Variants in CYP2C8 observed in about 807,000 individuals in gnomAD.
CYP2C8 encodes cytochrome P450 family 2 subfamily C member 8.
CYP2C8 carries 51 observed loss-of-function variants against 41.3 expected under a neutral mutation model. The ratio of observed to expected loss-of-function variants is 1.24; its 90% CI spans 0.99 to 1.56. The LOEUF (loss-of-function observed/expected upper bound fraction) is 1.56, where lower values mean the gene tolerates loss of function less well. Ranked by LOEUF, CYP2C8 falls within the 40% of genes most tolerant of loss-of-function variation. The probability of loss-of-function intolerance (pLI) is 0.00; values close to 1 mark genes in which losing one functional copy is unlikely to be tolerated. For missense variants in CYP2C8, 651 were observed against 579.9 expected (o/e 1.12, Z -1.26); for synonymous variants, 218 against 205.8 (o/e 1.06, Z -0.51).
At chr10:95,040,328 A>T (rs1246619808) in intron 7 of CYP2C8, among the ~76,000 whole-genome samples, 1 of 152,100 alleles carries the variant, frequency 6.6e-6, no homozygotes, top group Non-Finnish European at 1.5e-5. Flanking sequence ...TAATCCTTGT[A>T]AAAAAATCAG....
intron 1 of CYP2C8, chr10:95,068,777 G>C: frequency 2.0e-6 from 1 of 508,756 alleles, no homozygotes; most frequent in Non-Finnish European, 3.4e-6. Flanking sequence ...AAAGACAAAA[G>C]AGGCCAGGTA....
In CYP2C8 at chr10:95,063,875, C is replaced by T. The variant is rs187219605; in HGVS notation, c.642+925G>A. ...TTCTAACAGTCAGGATCCTCAGCCGCGAGTCTGCTGGAGGTCCACTCCAGA... is the reference window on the plus strand; with the variant it reads ...TTCTAACAGTCAGGATCCTCAGCCGTGAGTCTGCTGGAGGTCCACTCCAGA... On this transcript the variant is annotated intron_variant, in intron 4 of 8. Coordinates refer to ENST00000371270, the MANE Select transcript of CYP2C8 (RefSeq NM_000770.3). 3.7e-3 allele frequency among the ~76,000 whole-genome samples: 569 copies of T among 152,262 alleles called. 4 individuals are homozygous for T. The highest frequency in any genetic ancestry group is 0.022 in the South Asian group (104 of 4,818).
intron 7 of CYP2C8, 109 bp downstream of exon 7, chr10:95,042,781 G>A (rs2033028380): frequency 5.5e-6 from 5 of 911,964 alleles, no homozygotes. Context: ...GCTGCCACAT[G>A]TATGAGTTTT....
intron 3 of CYP2C8, 87 bp downstream of exon 3, chr10:95,067,121 C>G: frequency 1.3e-6 from 2 of 1,589,858 alleles, no homozygotes; most frequent in Non-Finnish European, 1.7e-6. Flanking sequence ...GCAATGAAGA[C>G]CTGGCCACCC....
intron 5 of CYP2C8, among the ~76,000 whole-genome samples, chr10:95,054,883 A>G (rs1368400895): frequency 2.6e-5 from 4 of 152,076 alleles, no homozygotes; most frequent in Middle Eastern, 3.2e-3. Context: ...AATGTTGCTT[A>G]GAAAAATAAG....
At chr10:95,041,941 T>C (rs2033010783) in intron 7 of CYP2C8, among the ~76,000 whole-genome samples, 2 of 152,192 alleles carry the variant, frequency 1.3e-5, no homozygotes. Flanking sequence ...GGGCTGGGAT[T>C]TTATGAAAAT....
At chr10:95,066,093 G>A (rs1403855917) in intron 3 of CYP2C8, among the ~76,000 whole-genome samples, 2 of 149,356 alleles carry the variant, frequency 1.3e-5, no homozygotes, top group Admixed American at 1.3e-4. Flanking sequence ...AGCCAAGGGG[G>A]TGAAAGGTAA....
chr10:95,043,641 A>G (rs960299391), intron 6 of CYP2C8, among the ~76,000 whole-genome samples: 3 of 152,114 alleles, frequency 2.0e-5, no homozygotes, highest in Non-Finnish European at 4.4e-5. Flanking sequence ...CAATTTTTAG[A>G]CAATATTTAA....
rs1589445576 is a variant in CYP2C8, at chr10:95,060,861, T to G, written c.643-2350A>C. 2.0e-5 allele frequency among the ~76,000 whole-genome samples: 3 copies of G among 152,246 alleles called. No homozygotes were observed. The South Asian group carries it at 6.2e-4, about 31-fold the overall frequency. On this transcript the variant is annotated intron_variant, in intron 4 of 8. Transcript: ENST00000371270. Reference sequence around the variant, plus strand: ...GAGTGTTTTTAGACTGAAGTGCTGTTGAATTTTTTAAAAGGCCTTTTCTGC... The same window carrying G: ...GAGTGTTTTTAGACTGAAGTGCTGTGGAATTTTTTAAAAGGCCTTTTCTGC...
chr10:95,039,412 T>C (rs532667840), intron 7 of CYP2C8: 65 of 272,880 alleles, frequency 2.4e-4, no homozygotes, highest in African/African-American at 1.3e-3. Flanking sequence ...ACTTGAAATG[T>C]CCAGAGTATC....
At position 95,069,442 on chromosome 10, in the gene CYP2C8, A is replaced by C; in HGVS notation, c.-40T>G. The C allele has an allele frequency of 6.4e-7, 1 of 1,574,342 alleles. No individual in the cohort carries two copies. Among genetic ancestry groups the C allele is most frequent in the Non-Finnish European group, 8.7e-7 (1 of 1,145,348 alleles). On this transcript the variant is annotated 5_prime_UTR_variant, in exon 1 of 9. Transcript: ENST00000371270. ...CTTATTAAGACAGCTGTGAGCTTGC[A>C]CTCCAAAGTTTTTATAACACTCCCT... is the stretch of plus-strand genomic sequence containing the variant.
intron 2 of CYP2C8, 40 bp downstream of exon 2, chr10:95,067,489 C>T (rs376162394): frequency 6.2e-6 from 10 of 1,613,670 alleles, no homozygotes; most frequent in Non-Finnish European, 8.5e-6. Flanking sequence ...ATCCCCCTCA[C>T]CCCAGTTACC....
In CYP2C8 at chr10:95,038,879, GA is replaced by G. The variant is rs1319915034; in HGVS notation, c.1291+17del. On this transcript the variant is annotated intron_variant, in intron 8 of 8. Transcript: ENST00000371270. ...TCTCTCTTTCCTTTAAATACAAATG[GA>G]AACGAGTTTCTATTACCTGCTGAGA... is the stretch of plus-strand genomic sequence containing the variant. 6.2e-7 allele frequency: 1 copy of G among 1,612,996 alleles called. No individual in the cohort carries two copies. Among genetic ancestry groups the G allele is most frequent in the Admixed American group, 1.7e-5 (1 of 59,976 alleles).
At position 95,039,976 on chromosome 10, in the gene CYP2C8, AG is replaced by A. The variant is rs2032962498; in HGVS notation, c.1150-939del. On this transcript the variant is annotated intron_variant, in intron 7 of 8. Coordinates refer to ENST00000371270, the MANE Select transcript of CYP2C8 (RefSeq NM_000770.3). ...TTTTAAATGACTGCTGGTCTCAAAA[AG>A]GTCAACTGATTGAAAAGAAACAAAC... is the stretch of plus-strand genomic sequence containing the variant. Among the ~76,000 whole-genome samples the A allele has an allele frequency of 2.0e-5, 3 of 152,342 alleles. No individual in the cohort carries two copies. In the South Asian group the frequency reaches 6.2e-4, roughly 32 times the overall value.
At chr10:95,052,801 AGTAAAAG>A (rs1222717351) in intron 5 of CYP2C8, among the ~76,000 whole-genome samples, 1 of 152,172 alleles carries the variant, frequency 6.6e-6, no homozygotes. Context: ...ACCTCACCAT[AGTAAAAG>A]CTATCTACAA....
chr10:95,042,841 A>C (rs2275620), intron 7 of CYP2C8, 49 bp downstream of exon 7: 1 of 1,528,096 alleles, frequency 6.5e-7, no homozygotes, highest in Non-Finnish European at 9.1e-7. Flanking sequence ...AACCAGCACT[A>C]TGGAAATTTC....
Position 95,037,265 on chromosome 10 carries a change from A to G in CYP2C8, c.1336T>C (p.Phe446Leu). Residue 446 changes from phenylalanine to leucine, a missense_variant, in exon 9 of 9, where the codon TTT becomes CTT. Transcript: ENST00000371270. ...TGTAAAATTGTGGTTAGAAATAAAA[A>G]TAGCTCCATGCGGGCAAGTCCTTCT... ...AGEGLARMEL[F>L]LFLTTILQNF... is the part of the protein sequence containing the mutation. 2 of 1,613,856 alleles carry G rather than the reference A, an allele frequency of 1.2e-6. No homozygotes were observed. Among genetic ancestry groups the G allele is most frequent in the Non-Finnish European group, 1.7e-6 (2 of 1,179,856 alleles).
intron 4 of CYP2C8, among the ~76,000 whole-genome samples, chr10:95,060,261 T>C (rs577291199): frequency 6.6e-6 from 1 of 152,248 alleles, no homozygotes; most frequent in South Asian, 2.1e-4. Context: ...GATATTGATT[T>C]TTCCTACCCA....
intron 5 of CYP2C8, among the ~76,000 whole-genome samples, chr10:95,054,535 C>T (rs1190378380): frequency 6.6e-6 from 1 of 152,102 alleles, no homozygotes; most frequent in Non-Finnish European, 1.5e-5. Flanking sequence ...TGCTATTCAG[C>T]ATAGCACTTA....
Sources: allele counts gnomAD v4.1 joint callset (sites outside exome capture counted in the v4.1 genomes callset), GRCh38; gene constraint gnomAD v4.1.1; transcripts MANE v1.5; gene names NCBI Gene and HGNC (gene_info 2026-07-23, HGNC 2026-07-21).